The following MROH9 variants were observed in gnomAD, a reference collection of about 807,000 sequenced individuals.
MROH9 encodes maestro heat like repeat family member 9.
In MROH9, 92 loss-of-function variants were observed where a neutral mutation model predicts 98.2. That is an observed-to-expected ratio of 0.94 (90% CI 0.79 to 1.11). The LOEUF (loss-of-function observed/expected upper bound fraction) is 1.11, where lower values mean the gene tolerates loss of function less well. Among genes scored for constraint, MROH9 ranks in the 50% most tolerant of loss-of-function variants. The pLI, the probability that MROH9 is intolerant of heterozygous loss-of-function variation, is 0.00. For synonymous variants in MROH9, 397 were observed against 368.9 expected (o/e 1.08, Z -0.87); for missense variants, 1,057 against 1,014.8 (o/e 1.04, Z -0.57).
rs766660390 is a variant in MROH9, at chr1:170,961,933, C to A, written c.332C>A (p.Thr111Lys). The A allele has an allele frequency of 1.3e-6, 2 of 1,540,402 alleles. No individual in the cohort carries two copies. Among genetic ancestry groups the A allele is most frequent in the Non-Finnish European group, 8.8e-7 (1 of 1,138,360 alleles). ...TTAAATATATATGAGAACATTCTTA[C>A]GAGCTTGGTGTCTAAAGACCTCTAC... ...NILNIYENIL[T>K]SLVSKDLYKL... Residue 111 changes from threonine (T) to lysine (K), a missense_variant, in exon 6 of 22, where the codon ACG becomes AAG. Thr to Lys is a moderately conservative substitution (Grantham distance 78, BLOSUM62 -1). Transcript: ENST00000367759.
At chr1:171,022,540 T>C (rs971046097) in intron 17 of MROH9, among the ~76,000 whole-genome samples, 3 of 151,676 alleles carry the variant, frequency 2.0e-5, no homozygotes, top group Admixed American at 2.0e-4. Flanking sequence ...TAAGTGGGAG[T>C]TGAACAATGA....
At chr1:170,952,492 T>C (rs933917313) in intron 3 of MROH9, among the ~76,000 whole-genome samples, 4 of 150,484 alleles carry the variant, frequency 2.7e-5, no homozygotes, top group African/African-American at 9.8e-5. Flanking sequence ...CAGCAAACTA[T>C]CGCAAGGACA....
intron 20 of MROH9, among the ~76,000 whole-genome samples, chr1:171,045,735 T>C (rs963007489): frequency 5.3e-5 from 8 of 152,186 alleles, no homozygotes; most frequent in Admixed American, 3.3e-4. Context: ...TAAAAAATAA[T>C]CCATGGGCTG....
At chr1:171,029,871 T>C (rs1273951578) in intron 20 of MROH9, among the ~76,000 whole-genome samples, 3 of 152,224 alleles carry the variant, frequency 2.0e-5, no homozygotes, top group Non-Finnish European at 2.9e-5. Flanking sequence ...GAAGGAATGG[T>C]ACCAATTCCT....
chr1:171,013,997 G>A (rs1652246421), intron 15 of MROH9, 120 bp from the exon 16 acceptor site: 2 of 758,896 alleles, frequency 2.6e-6, no homozygotes, highest in Non-Finnish European at 4.2e-6. Context: ...TGAAATATAT[G>A]TATTTGATGT....
rs1242758765 is a variant in MROH9, at chr1:170,983,419, C to T, written c.617-3C>T. The T allele has an allele frequency of 5.7e-6, 9 of 1,584,740 alleles. No homozygotes were observed. The highest frequency in any genetic ancestry group is 1.3e-5 in the African/African-American group (1 of 74,110). Reference sequence around the variant, plus strand: ...CCTGAAACTCTTTTTCTTAACAAAGCAGATATTGGAACAAATAAGCCTACA... The same window carrying T: ...CCTGAAACTCTTTTTCTTAACAAAGTAGATATTGGAACAAATAAGCCTACA... On this transcript the variant is annotated splice_region_variant and splice_polypyrimidine_tract_variant and intron_variant, in intron 8 of 21. Transcript: ENST00000367759.
intron 1 of MROH9, among the ~76,000 whole-genome samples, chr1:170,937,119 C>A (rs562408757): frequency 1.6e-3 from 242 of 152,320 alleles, no homozygotes; most frequent in Non-Finnish European, 2.6e-3. Context: ...GACTCCAGCT[C>A]TTTCTCTTTC....
At chr1:171,018,867 A>C (rs1652416936) in intron 17 of MROH9, among the ~76,000 whole-genome samples, 1 of 152,156 alleles carries the variant, frequency 6.6e-6, no homozygotes, top group Non-Finnish European at 1.5e-5. Context: ...AAAAGAATAA[A>C]AAGGAATGAG....
intron 15 of MROH9, among the ~76,000 whole-genome samples, chr1:171,010,233 T>C (rs544959779): frequency 3.3e-5 from 5 of 152,202 alleles, no homozygotes; most frequent in Non-Finnish European, 7.3e-5. Flanking sequence ...CTGAAAATGA[T>C]GGTTTCCAGC....
chr1:170,996,716 TG>T, intron 14 of MROH9, 72 bp downstream of exon 14: 2 of 1,482,504 alleles, frequency 1.3e-6, no homozygotes, highest in South Asian at 2.6e-5. Context: ...CAATAAGCCA[TG>T]CGGGAACAAG....
chr1:170,962,049 A>G, intron 6 of MROH9, 73 bp downstream of exon 6: 3 of 787,110 alleles, frequency 3.8e-6, no homozygotes, highest in Non-Finnish European at 5.9e-6. Context: ...CTTTCTTCTC[A>G]TTTGCTATAT....
intron 20 of MROH9, among the ~76,000 whole-genome samples, chr1:171,058,416 T>C (rs995007495): frequency 1.3e-5 from 2 of 149,696 alleles, no homozygotes; most frequent in African/African-American, 2.5e-5. Context: ...AAAATGGCCA[T>C]ACTGCCCAAA....
intron 3 of MROH9, 49 bp from the exon 4 acceptor site, chr1:170,958,412 T>C: frequency 8.4e-7 from 1 of 1,197,526 alleles, no homozygotes; most frequent in Non-Finnish European, 1.2e-6. Context: ...CTCACTGCTC[T>C]GTAATCATTA....
At chr1:171,002,843 G>A (rs1651826500) in intron 15 of MROH9, among the ~76,000 whole-genome samples, 1 of 152,080 alleles carries the variant, frequency 6.6e-6, no homozygotes, top group Non-Finnish European at 1.5e-5. Flanking sequence ...TCCCCTGAAT[G>A]TATTTTCTGA....
intron 7 of MROH9, among the ~76,000 whole-genome samples, chr1:170,965,505 T>A (rs900535750): frequency 1.3e-5 from 2 of 152,154 alleles, no homozygotes; most frequent in African/African-American, 4.8e-5. Context: ...AAAACCAGAT[T>A]CTTGCTGACT....
In MROH9 at chr1:171,024,473, G is replaced by A; in HGVS notation, c.1987G>A (p.Val663Met). Residue 663 changes from valine (V) to methionine (M), a missense_variant, in exon 18 of 22, where the codon GTG becomes ATG. Transcript: ENST00000367759. ...GGATATGAGACAGTACACATGGATG[G>A]TGAATGATGTGGTTCTAGAAGGCTT... is the stretch of plus-strand genomic sequence containing the variant. ...VRDMRQYTWM[V>M]NDVVLEGLVP... 2 of 1,550,286 alleles carry A rather than the reference G, an allele frequency of 1.3e-6. No homozygotes were observed. The highest frequency in any genetic ancestry group is 1.7e-6 in the Non-Finnish European group (2 of 1,146,544).
intron 3 of MROH9, among the ~76,000 whole-genome samples, chr1:170,947,996 A>G (rs1247332870): frequency 6.6e-6 from 1 of 151,902 alleles, no homozygotes; most frequent in Non-Finnish European, 1.5e-5. Context: ...GAGCCATTCT[A>G]GTTTGTGTCT....
chr1:171,046,521 C>G (rs184983190), intron 20 of MROH9, among the ~76,000 whole-genome samples: 1 of 152,106 alleles, frequency 6.6e-6, no homozygotes, highest in East Asian at 1.9e-4. Context: ...ATTATGTTAA[C>G]CTGTTAACAA....
chr1:170,987,410 G>A (rs144579629), intron 10 of MROH9, among the ~76,000 whole-genome samples: 3 of 152,176 alleles, frequency 2.0e-5, no homozygotes, highest in African/African-American at 4.8e-5. Flanking sequence ...AGTGCACAAC[G>A]AAATCTGGGA....
Sources: allele counts gnomAD v4.1 joint callset (sites outside exome capture counted in the v4.1 genomes callset), GRCh38; gene constraint gnomAD v4.1.1; transcripts MANE v1.5; gene names NCBI Gene and HGNC (gene_info 2026-07-23, HGNC 2026-07-21).